The following DIP2C variants were observed in gnomAD, a reference collection of about 807,000 sequenced individuals.
The protein encoded by DIP2C is DIP2 acetate--CoA ligase C (putative), also known as disco-interacting protein 2 homolog C.
DIP2C carries 33 observed loss-of-function variants against 192.4 expected under a neutral mutation model. That is an observed-to-expected ratio of 0.17 (90% CI 0.13 to 0.23). The LOEUF (loss-of-function observed/expected upper bound fraction) is 0.23. DIP2C is among the 10% of genes least tolerant of loss of function. DIP2C has a pLI of 1.00. For missense variants in DIP2C, 1,537 were observed against 2,110.1 expected, an observed-to-expected ratio of 0.73 and a Z score of 5.32; for synonymous variants, 979 against 864.1, an observed-to-expected ratio of 1.13 and a Z score of -2.33.
At chr10:281,052 C>T in intron 36 of DIP2C, 148 bp downstream of exon 36, 1 of 1,181,308 alleles carries the variant, frequency 8.5e-7, no homozygotes, top group Non-Finnish European at 1.2e-6. Context: ...GCTTTAACCC[C>T]AAAAGATAAA....
At chr10:432,532 T>C (rs1966872435) in intron 4 of DIP2C, among the ~76,000 whole-genome samples, 1 of 152,244 alleles carries the variant, frequency 6.6e-6, no homozygotes, top group South Asian at 2.1e-4. Context: ...ATGTCCCTTA[T>C]TTCATTTCTG....
At chr10:377,317 CCCTCCTCTGCCATCTTCCCGCTGCA>C (rs1418503910) in intron 17 of DIP2C, among the ~76,000 whole-genome samples, 1 of 152,196 alleles carries the variant, frequency 6.6e-6, no homozygotes, top group African/African-American at 2.4e-5. Context: ...GTGGGGAGGC[CCCTCCTCTGCCATCTTCCCGCTGCA>C]CCTCCTTTGC....
chr10:318,142 C>T (rs966999978), intron 31 of DIP2C, among the ~76,000 whole-genome samples: 19 of 152,004 alleles, frequency 1.2e-4, no homozygotes, highest in Non-Finnish European at 2.8e-4. Flanking sequence ...TGCTGGATGG[C>T]GAAAGGGAGG....
intron 35 of DIP2C, 41 bp from the exon 36 acceptor site, chr10:281,364 C>T (rs1954810107): frequency 1.3e-6 from 2 of 1,553,422 alleles, no homozygotes; most frequent in Admixed American, 1.9e-5. Flanking sequence ...CCCCATAATG[C>T]CGCTCAAGCC....
At chr10:411,258 G>T (rs187480316) in intron 8 of DIP2C, among the ~76,000 whole-genome samples, 1 of 152,370 alleles carries the variant, frequency 6.6e-6, no homozygotes, top group African/African-American at 2.4e-5. Context: ...TGAACGTATA[G>T]GTCTCTCCAG....
chr10:603,708 G>A (rs375791079), intron 1 of DIP2C, among the ~76,000 whole-genome samples: 16 of 152,210 alleles, frequency 1.1e-4, no homozygotes, highest in Admixed American at 3.9e-4. Context: ...AGGTCTGGAG[G>A]TGAATAGATA....
chr10:622,659 G>T (rs551724061), intron 1 of DIP2C, among the ~76,000 whole-genome samples: 2 of 152,252 alleles, frequency 1.3e-5, no homozygotes, highest in South Asian at 4.2e-4. Context: ...GAGTCCATTT[G>T]ACTAAATACC....
chr10:364,672 T>A, intron 19 of DIP2C, 90 bp from the exon 20 acceptor site: 1 of 1,412,638 alleles, frequency 7.1e-7, no homozygotes, highest in South Asian at 1.3e-5. Context: ...GCACCTGCTT[T>A]GCTTAAGCTC....
intron 2 of DIP2C, among the ~76,000 whole-genome samples, chr10:481,901 GC>G (rs1843639972): frequency 6.6e-6 from 1 of 151,762 alleles, no homozygotes; most frequent in African/African-American, 2.4e-5. Context: ...GCAAATACCT[GC>G]CCAATGTCCA....
chr10:501,288 T>C (rs935668244), intron 1 of DIP2C, among the ~76,000 whole-genome samples: 4 of 151,984 alleles, frequency 2.6e-5, no homozygotes, highest in Non-Finnish European at 4.4e-5. Context: ...CTAGAAGATC[T>C]TGCCCAACCT....
At chr10:596,595 C>A (rs181103324) in intron 1 of DIP2C, among the ~76,000 whole-genome samples, 1 of 151,222 alleles carries the variant, frequency 6.6e-6, no homozygotes, top group Non-Finnish European at 1.5e-5. Flanking sequence ...CTTATTCAGC[C>A]ATGAGATACA....
chr10:335,273 TTCTC>T lies in DIP2C; in HGVS notation c.3585-5676_3585-5673del, dbSNP rs750536471. On this transcript the variant is annotated intron_variant, in intron 29 of 36. Transcript: ENST00000280886. ...AAATGTACAAGTACGTTTAAAATAATTCTCTCTCCTTGGATTATCTAATGGTGAA... is the reference window on the plus strand; with the variant it reads ...AAATGTACAAGTACGTTTAAAATAATTCTCCTTGGATTATCTAATGGTGAA... 3.9e-5 allele frequency among the ~76,000 whole-genome samples: 6 copies of T among 152,336 alleles called. No homozygotes were observed. In the East Asian group the frequency reaches 9.6e-4, roughly 24 times the overall value.
At chr10:449,277 T>G (rs1290066488) in intron 3 of DIP2C, among the ~76,000 whole-genome samples, 1 of 152,192 alleles carries the variant, frequency 6.6e-6, no homozygotes, top group South Asian at 2.1e-4. Context: ...TCATCTTGTG[T>G]AACAAAAGTC....
chr10:441,974 C>T (rs1037338575), intron 3 of DIP2C, among the ~76,000 whole-genome samples: 22 of 139,266 alleles, frequency 1.6e-4, no homozygotes, highest in East Asian at 8.3e-4. Flanking sequence ...CAGAGACAGA[C>T]GCTGTGGCAA....
At chr10:367,150 G>T (rs1960337212) in intron 18 of DIP2C, among the ~76,000 whole-genome samples, 2 of 152,218 alleles carry the variant, frequency 1.3e-5, no homozygotes, top group African/African-American at 2.4e-5. Context: ...GGACGCGGTG[G>T]CTCACGCCTG....
intron 3 of DIP2C, among the ~76,000 whole-genome samples, chr10:470,270 AG>A (rs1970523688): frequency 6.6e-6 from 1 of 152,222 alleles, no homozygotes; most frequent in Non-Finnish European, 1.5e-5. Context: ...TTGTGTGTGA[AG>A]AGGCGCCATA....
At chr10:305,332 A>G (rs953267939) in intron 32 of DIP2C, among the ~76,000 whole-genome samples, 9 of 152,210 alleles carry the variant, frequency 5.9e-5, no homozygotes, top group South Asian at 2.1e-4. Flanking sequence ...TCACACATGC[A>G]CTGAGACACA....
At chr10:517,577 T>C (rs570783916) in intron 1 of DIP2C, among the ~76,000 whole-genome samples, 11 of 152,196 alleles carry the variant, frequency 7.2e-5, no homozygotes, top group African/African-American at 1.7e-4. Flanking sequence ...TTCCTCATGA[T>C]ACCCAGAATG....
chr10:457,949 G>A (rs904965296), intron 3 of DIP2C, among the ~76,000 whole-genome samples: 6 of 152,348 alleles, frequency 3.9e-5, no homozygotes, highest in East Asian at 3.9e-4. Flanking sequence ...AGAGCAGCAC[G>A]TGATGGGGAC....
Sources: allele counts gnomAD v4.1 joint callset (sites outside exome capture counted in the v4.1 genomes callset), GRCh38; gene constraint gnomAD v4.1.1; transcripts MANE v1.5; gene names NCBI Gene and HGNC (gene_info 2026-07-23, HGNC 2026-07-21).